Variants in SH3PXD2A observed in about 807,000 individuals in gnomAD.
The protein encoded by SH3PXD2A is SH3 and PX domains 2A, also known as SH3 and PX domain-containing protein 2A.
A neutral mutation model predicts 115.2 loss-of-function variants in SH3PXD2A; 32 were observed. That is an observed-to-expected ratio of 0.28 (90% CI 0.21 to 0.37). The LOEUF (loss-of-function observed/expected upper bound fraction) is 0.37, where lower values mean the gene tolerates loss of function less well. Ranked by LOEUF, SH3PXD2A falls within the 10% of genes least tolerant of loss-of-function variation. SH3PXD2A has a pLI of 1.00. For synonymous variants in SH3PXD2A, 610 were observed against 629.1 expected, an observed-to-expected ratio of 0.97 and a Z score of 0.45; for missense variants, 1,328 against 1,498.7, an observed-to-expected ratio of 0.89 and a Z score of 1.88.
chr10:103,789,299 C>T (rs146059844), intron 2 of SH3PXD2A, among the ~76,000 whole-genome samples: 1 of 152,168 alleles, frequency 6.6e-6, no homozygotes, highest in Non-Finnish European at 1.5e-5. Context: ...TCCTGGGCTG[C>T]CCACTTAGTG....
intron 1 of SH3PXD2A, among the ~76,000 whole-genome samples, chr10:103,815,950 GCCAA>G (rs2039320019): frequency 6.6e-6 from 1 of 152,020 alleles, no homozygotes; most frequent in East Asian, 1.9e-4. Context: ...GGATTCTAGA[GCCAA>G]ATATATAGAA....
At chr10:103,604,801 TGACA>T (rs2036275693) in intron 14 of SH3PXD2A, among the ~76,000 whole-genome samples, 1 of 152,230 alleles carries the variant, frequency 6.6e-6, no homozygotes, top group Admixed American at 6.5e-5. Context: ...CTCCTGAGCC[TGACA>T]GTTCTGCCAC....
At chr10:103,641,501 C>T (rs189715395) in intron 8 of SH3PXD2A, among the ~76,000 whole-genome samples, 2 of 152,334 alleles carry the variant, frequency 1.3e-5, no homozygotes, top group African/African-American at 2.4e-5. Flanking sequence ...ATACCCAGTA[C>T]AGCATTCATT....
At chr10:103,637,438 A>G (rs2036884146) in intron 8 of SH3PXD2A, among the ~76,000 whole-genome samples, 2 of 152,278 alleles carry the variant, frequency 1.3e-5, no homozygotes, top group South Asian at 4.1e-4. Flanking sequence ...AGGCCTATGT[A>G]AGGGTTTTGG....
At chr10:103,646,633 G>A (rs1479473510) in intron 8 of SH3PXD2A, among the ~76,000 whole-genome samples, 1 of 152,216 alleles carries the variant, frequency 6.6e-6, no homozygotes, top group African/African-American at 2.4e-5. Context: ...AGCTGGGTCA[G>A]AGCGGGCAAC....
intron 2 of SH3PXD2A, among the ~76,000 whole-genome samples, chr10:103,790,666 A>C (rs1190179742): frequency 6.6e-6 from 1 of 152,170 alleles, no homozygotes. Context: ...TTGCCAACTG[A>C]TAGGTAGTGA....
rs770881149 is a variant in SH3PXD2A at position 103,602,051 on chromosome 10, G to A, written c.3167C>T (p.Ser1056Phe). The A allele has an allele frequency of 6.2e-7, 1 of 1,608,978 alleles. No individual in the cohort carries two copies. The highest frequency in any genetic ancestry group is 8.5e-7 in the Non-Finnish European group (1 of 1,176,922). Reference protein sequence around the residue: ...LPAQRNSIPVSPVRPKPIEKS... With the variant: ...LPAQRNSIPVFPVRPKPIEKS... ...CTCGATGGGCTTGGGGCGCACAGGG[G>A]ACACGGGTATGCTGTTGCGCTGGGC... Residue 1056 changes from serine to phenylalanine, a missense_variant, in exon 15 of 15, where the codon TCC becomes TTC. This residue lies in a region of SH3PXD2A where 574 missense variants were observed against 565.7 expected (regional missense o/e 1.01). Transcript: ENST00000369774.
chr10:103,614,260 A>T (rs1320036947), intron 11 of SH3PXD2A, among the ~76,000 whole-genome samples: 2 of 152,080 alleles, frequency 1.3e-5, no homozygotes, highest in African/African-American at 4.8e-5. Flanking sequence ...GCCTCCAAAA[A>T]TGTAAAAAGT....
At chr10:103,691,667 C>G (rs1407380963) in intron 6 of SH3PXD2A, among the ~76,000 whole-genome samples, 1 of 152,088 alleles carries the variant, frequency 6.6e-6, no homozygotes, top group Non-Finnish European at 1.5e-5. Context: ...CACACCTCAT[C>G]CCACAGCTAG....
intron 5 of SH3PXD2A, among the ~76,000 whole-genome samples, chr10:103,722,877 G>A (rs1362487327): frequency 2.6e-5 from 4 of 152,218 alleles, no homozygotes; most frequent in Non-Finnish European, 4.4e-5. Context: ...CTTGCCTGAG[G>A]CAGCCATCAG....
At chr10:103,827,041 A>G (rs1340931984) in intron 1 of SH3PXD2A, among the ~76,000 whole-genome samples, 1 of 152,146 alleles carries the variant, frequency 6.6e-6, no homozygotes, top group Non-Finnish European at 1.5e-5. Context: ...CCACAGGAGG[A>G]TGTCCCCAGG....
At chr10:103,678,082 C>G (rs891254899) in intron 6 of SH3PXD2A, 1 of 1,277,496 alleles carries the variant, frequency 7.8e-7, no homozygotes, top group Admixed American at 2.3e-5. Flanking sequence ...AAAAATTACC[C>G]CTAAGCAGTA....
chr10:103,661,895 G>C (rs1051031567), intron 7 of SH3PXD2A: 38 of 985,044 alleles, frequency 3.9e-5, no homozygotes, highest in Middle Eastern at 1.0e-3. Context: ...AGCGGCTGGC[G>C]AGCCCAGCCC....
rs2036181040 is a variant in SH3PXD2A at position 103,599,229 on chromosome 10, CTA to C, written c.*2585_*2586del. 7.4e-6 allele frequency: 1 copy of C among 135,032 alleles called. No individual in the cohort carries two copies. Among genetic ancestry groups the C allele is most frequent in the Non-Finnish European group, 1.5e-5 (1 of 66,142 alleles). 8.4% of individuals were successfully genotyped at this position (135,032 alleles called of 1,614,324 possible). ...CTTTCAGTCCTGCATTTTAATGACT[CTA>C]TTACTTACAGCACTGGGGGTCAAGG... On this transcript the variant is annotated 3_prime_UTR_variant, in exon 15 of 15. Transcript: ENST00000369774.
At chr10:103,747,444 C>A (rs1487389502) in intron 3 of SH3PXD2A, among the ~76,000 whole-genome samples, 1 of 152,214 alleles carries the variant, frequency 6.6e-6, no homozygotes, top group Non-Finnish European at 1.5e-5. Context: ...CCAGGGGAGG[C>A]TGCCCTCAGG....
chr10:103,771,222 G>A (rs114245544), intron 2 of SH3PXD2A, among the ~76,000 whole-genome samples: 320 of 152,334 alleles, frequency 2.1e-3, no homozygotes, highest in African/African-American at 7.3e-3. Flanking sequence ...GCTTAAGGGA[G>A]TTAGGCTACC....
chr10:103,788,072 G>A (rs1419445859), intron 2 of SH3PXD2A, among the ~76,000 whole-genome samples: 2 of 152,198 alleles, frequency 1.3e-5, no homozygotes. Context: ...GGCTGGGCAT[G>A]CATTCTGTTC....
At chr10:103,659,971 C>T (rs999872321) in intron 8 of SH3PXD2A, among the ~76,000 whole-genome samples, 5 of 152,062 alleles carry the variant, frequency 3.3e-5, no homozygotes, top group East Asian at 3.9e-4. Context: ...CCTGTCTCTA[C>T]GGAGCAGGCA....
At chr10:103,686,550 C>T (rs570636125) in intron 6 of SH3PXD2A, among the ~76,000 whole-genome samples, 117 of 152,234 alleles carry the variant, frequency 7.7e-4, no homozygotes, top group African/African-American at 2.7e-3. Context: ...ACAGGCCCTT[C>T]CTACTGCCAG....
Sources: gnomAD v4.1 joint callset for allele counts (sites outside exome capture counted in the v4.1 genomes callset) on GRCh38, gnomAD v4.1.1 for gene constraint, gnomAD v4.1.1 regional missense constraint, MANE v1.5 for transcripts, NCBI Gene and HGNC (gene_info 2026-07-23, HGNC 2026-07-21) for gene names.